GNA14: variants seen among roughly 807,000 people sequenced by gnomAD.
GNA14 encodes guanine nucleotide-binding protein subunit alpha-14.
In GNA14, 50 loss-of-function variants were observed where a neutral mutation model predicts 42.0. The ratio of observed to expected loss-of-function variants is 1.19; its 90% CI spans 0.95 to 1.51. The LOEUF (loss-of-function observed/expected upper bound fraction) is 1.51. Among genes scored for constraint, GNA14 ranks in the 40% most tolerant of loss-of-function variants. GNA14 has a pLI of 0.00. For synonymous variants in GNA14, 173 were observed against 163.1 expected, an observed-to-expected ratio of 1.06 and a Z score of -0.46; for missense variants, 473 against 446.2, an observed-to-expected ratio of 1.06 and a Z score of -0.54.
At chr9:77,474,391 T>C (rs913239073) in intron 2 of GNA14, among the ~76,000 whole-genome samples, 2 of 71,576 alleles carry the variant, frequency 2.8e-5, no homozygotes, top group East Asian at 7.9e-4. Context: ...TGACAAGCAC[T>C]TGTTATCCAT....
In GNA14 at chr9:77,570,057, G is replaced by A. The variant is rs561379596; in HGVS notation, c.125-40804C>T. ...TGGGATTACAGGCATGAGCCACCAC[G>A]CAAAAATCATGGAAGCGAAAATGTC... On this transcript the variant is annotated intron_variant, in intron 1 of 6. Transcript: ENST00000341700. Among the ~76,000 whole-genome samples the A allele has an allele frequency of 2.3e-4, 35 of 152,168 alleles. No individual in the cohort carries two copies. In the South Asian group the frequency reaches 6.8e-3, roughly 30 times the overall value.
intron 1 of GNA14, among the ~76,000 whole-genome samples, chr9:77,560,531 G>A (rs1564053854): frequency 6.6e-6 from 1 of 152,062 alleles, no homozygotes; most frequent in Non-Finnish European, 1.5e-5. Context: ...GCCCAGGCTG[G>A]TCTTGAACTC....
At chr9:77,631,211 C>CA (rs1328073917) in intron 1 of GNA14, among the ~76,000 whole-genome samples, 2 of 152,080 alleles carry the variant, frequency 1.3e-5, no homozygotes, top group African/African-American at 4.8e-5. Context: ...ATGGCTGCTG[C>CA]AGCTCCTACC....
chr9:77,510,848 A>C (rs146077676), intron 2 of GNA14, among the ~76,000 whole-genome samples: 2 of 152,280 alleles, frequency 1.3e-5, no homozygotes, highest in South Asian at 2.1e-4. Context: ...AGGGGAAAAG[A>C]GGGAAGACGC....
intron 2 of GNA14, among the ~76,000 whole-genome samples, chr9:77,502,727 C>T (rs1430640202): frequency 2.6e-5 from 4 of 152,166 alleles, no homozygotes; most frequent in Admixed American, 2.6e-4. Context: ...CTTTCTCTGA[C>T]ACTGCCCAAG....
At chr9:77,634,522 A>AG (rs1270053675) in intron 1 of GNA14, among the ~76,000 whole-genome samples, 1 of 151,590 alleles carries the variant, frequency 6.6e-6, no homozygotes, top group Non-Finnish European at 1.5e-5. Flanking sequence ...GGAGGGAGGG[A>AG]GGAGGCAAAA....
At chr9:77,527,620 C>T (rs1837460498) in intron 2 of GNA14, among the ~76,000 whole-genome samples, 1 of 152,148 alleles carries the variant, frequency 6.6e-6, no homozygotes, top group Non-Finnish European at 1.5e-5. Context: ...TAATTCACCC[C>T]ACACAATTTT....
chr9:77,637,369 A>G (rs2118022571), intron 1 of GNA14, among the ~76,000 whole-genome samples: 1 of 152,324 alleles, frequency 6.6e-6, no homozygotes, highest in East Asian at 1.9e-4. Flanking sequence ...AAAAGGGAAA[A>G]AAACAGAGAT....
At chr9:77,614,358 G>T (rs1027200106) in intron 1 of GNA14, among the ~76,000 whole-genome samples, 1 of 152,098 alleles carries the variant, frequency 6.6e-6, no homozygotes, top group African/African-American at 2.4e-5. Flanking sequence ...CTGTCACACA[G>T]GGTCAGCCTA....
At chr9:77,612,085 C>T (rs1823744614) in intron 1 of GNA14, among the ~76,000 whole-genome samples, 1 of 151,946 alleles carries the variant, frequency 6.6e-6, no homozygotes, top group African/African-American at 2.4e-5. Flanking sequence ...ATACTAGAAA[C>T]TAGGCTAAAG....
At chr9:77,435,973 T>C (rs1292066691) in intron 2 of GNA14, among the ~76,000 whole-genome samples, 2 of 152,194 alleles carry the variant, frequency 1.3e-5, no homozygotes. Flanking sequence ...CAGCAAACCA[T>C]CTGCTTGGTA....
chr9:77,561,635 G>A (rs927827573), intron 1 of GNA14, among the ~76,000 whole-genome samples: 1 of 152,178 alleles, frequency 6.6e-6, no homozygotes, highest in Non-Finnish European at 1.5e-5. Flanking sequence ...GGGGAATGGA[G>A]AGTTCTTATT....
intron 2 of GNA14, among the ~76,000 whole-genome samples, chr9:77,486,222 G>T (rs942670094): frequency 6.6e-6 from 1 of 152,160 alleles, no homozygotes; most frequent in East Asian, 1.9e-4. Flanking sequence ...ACCTTGCACT[G>T]TTATGTTACA....
intron 2 of GNA14, among the ~76,000 whole-genome samples, chr9:77,527,936 AC>A (rs1478664881): frequency 6.6e-6 from 1 of 152,116 alleles, no homozygotes; most frequent in African/African-American, 2.4e-5. Flanking sequence ...TGCCCAGCCC[AC>A]CCCACGCAAG....
intron 1 of GNA14, among the ~76,000 whole-genome samples, chr9:77,617,176 C>T (rs1017739533): frequency 6.6e-6 from 1 of 152,122 alleles, no homozygotes; most frequent in Non-Finnish European, 1.5e-5. Flanking sequence ...GGCCTCTAGC[C>T]ACAATGTGGT....
chr9:77,486,559 C>T (rs1458739004), intron 2 of GNA14, among the ~76,000 whole-genome samples: 1 of 152,202 alleles, frequency 6.6e-6, no homozygotes, highest in Non-Finnish European at 1.5e-5. Context: ...GCTGTCTCAG[C>T]TTTTTACATG....
At chr9:77,441,081 G>A (rs1363690266) in intron 2 of GNA14, among the ~76,000 whole-genome samples, 1 of 152,108 alleles carries the variant, frequency 6.6e-6, no homozygotes, top group Non-Finnish European at 1.5e-5. Flanking sequence ...TAGATCTCTT[G>A]AGCAAATTGC....
At chr9:77,450,461 T>C (rs1835885854) in intron 2 of GNA14, among the ~76,000 whole-genome samples, 1 of 152,142 alleles carries the variant, frequency 6.6e-6, no homozygotes, top group South Asian at 2.1e-4. Flanking sequence ...TTCTCATCAT[T>C]CATGATTCCA....
intron 1 of GNA14, among the ~76,000 whole-genome samples, chr9:77,623,630 C>T (rs564011953): frequency 6.6e-6 from 1 of 152,268 alleles, no homozygotes; most frequent in African/African-American, 2.4e-5. Context: ...TGAGCCAAAG[C>T]AGGGTGGGGC....
Sources: gnomAD v4.1 joint callset for allele counts (sites outside exome capture counted in the v4.1 genomes callset) on GRCh38, gnomAD v4.1.1 for gene constraint, MANE v1.5 for transcripts, NCBI Gene and HGNC (gene_info 2026-07-23, HGNC 2026-07-21) for gene names.